MGAT4C: variants seen among roughly 807,000 people sequenced by gnomAD.
MGAT4C encodes the protein MGAT4 family member C.
Under a neutral mutation model 40.1 loss-of-function variants are expected in MGAT4C, and 19 were observed. The observed-to-expected ratio is 0.47, with a 90% CI of 0.33 to 0.70. The LOEUF is 0.70. Among genes scored for constraint, MGAT4C ranks in the 30% least tolerant of loss-of-function variants. MGAT4C has a pLI of 0.02. For synonymous variants in MGAT4C, 181 were observed against 187.1 expected (o/e 0.97, Z 0.27); for missense variants, 491 against 563.2 (o/e 0.87, Z 1.30).
intron 2 of MGAT4C, among the ~76,000 whole-genome samples, chr12:86,679,116 G>T (rs1028052183): frequency 2.0e-5 from 3 of 151,942 alleles, no homozygotes; most frequent in Non-Finnish European, 4.4e-5. Flanking sequence ...TTTAATGATC[G>T]CCATTCTAAC....
intron 1 of MGAT4C, among the ~76,000 whole-genome samples, chr12:86,781,894 T>G (rs1951846685): frequency 1.3e-5 from 2 of 150,502 alleles, no homozygotes; most frequent in Middle Eastern, 3.4e-3. Context: ...AAAGTGTTTT[T>G]ATACAAAAAT....
intron 2 of MGAT4C, among the ~76,000 whole-genome samples, chr12:86,589,622 A>G (rs1256811609): frequency 3.3e-5 from 5 of 152,050 alleles, no homozygotes; most frequent in Non-Finnish European, 5.9e-5. Context: ...TTAGACCAAT[A>G]TCCTTGATGA....
At chr12:86,500,590 C>T (rs998452672) in intron 2 of MGAT4C, among the ~76,000 whole-genome samples, 2 of 151,790 alleles carry the variant, frequency 1.3e-5, no homozygotes, top group African/African-American at 4.8e-5. Context: ...AAATGCAAAT[C>T]ATTCTGCAAA....
Position 85,969,599 on chromosome 12 carries a change from A to C in MGAT4C, c.*9690T>G, listed in dbSNP as rs1357186988. The C allele has an allele frequency of 6.6e-6, 1 of 151,588 alleles. No homozygotes were observed. The highest frequency in any genetic ancestry group is 1.5e-5 in the Non-Finnish European group (1 of 67,626). 9.4% of individuals were successfully genotyped at this position (151,588 alleles called of 1,614,324 possible). On this transcript the variant is annotated 3_prime_UTR_variant, in exon 5 of 5. Transcript: ENST00000611864. ...AGAAAAAAATGTTTTACATGAAGAA[A>C]CTAATTATTTAAATTCATTTTTCAA...
intron 2 of MGAT4C, among the ~76,000 whole-genome samples, chr12:86,532,763 T>G (rs1959006017): frequency 6.6e-6 from 1 of 152,034 alleles, no homozygotes. Flanking sequence ...TATTTATTTT[T>G]TGATAGGTAA....
intron 2 of MGAT4C, among the ~76,000 whole-genome samples, chr12:86,645,070 C>T (rs1963499969): frequency 6.6e-6 from 1 of 151,346 alleles, no homozygotes; most frequent in Non-Finnish European, 1.5e-5. Flanking sequence ...TATATGAATA[C>T]TTCTGTACAA....
Position 86,759,907 on chromosome 12 carries a change from T to C in MGAT4C, c.-261-32666A>G, listed in dbSNP as rs147055077. Among the ~76,000 whole-genome samples, 530 of 152,152 alleles carry C rather than the reference T, an allele frequency of 3.5e-3. 2 individuals are homozygous for C. Among genetic ancestry groups the C allele is most frequent in the African/African-American group, 0.012 (508 of 41,540 alleles). ...TTTCAGTTTTATGGAATCTCATATGTGAATATTTACTTTTGTTTGCTGGAA... is the reference window on the plus strand; with the variant it reads ...TTTCAGTTTTATGGAATCTCATATGCGAATATTTACTTTTGTTTGCTGGAA... On this transcript the variant is annotated intron_variant, in intron 1 of 7. Transcript: ENST00000548651.
chr12:86,766,968 C>T (rs1207814009), intron 1 of MGAT4C, among the ~76,000 whole-genome samples: 1 of 151,986 alleles, frequency 6.6e-6, no homozygotes, highest in Non-Finnish European at 1.5e-5. Flanking sequence ...ACTAGAAAAG[C>T]AAGAGCAAAC....
chr12:86,402,887 T>G (rs961114069), intron 3 of MGAT4C, among the ~76,000 whole-genome samples: 17 of 152,178 alleles, frequency 1.1e-4, no homozygotes, highest in Non-Finnish European at 1.8e-4. Context: ...AGTGGAATTA[T>G]TATTTATTGA....
intron 1 of MGAT4C, among the ~76,000 whole-genome samples, chr12:86,790,558 A>G (rs1342310488): frequency 6.6e-6 from 1 of 152,178 alleles, no homozygotes; most frequent in Non-Finnish European, 1.5e-5. Context: ...ATTAGCTTCC[A>G]TTCACATATC....
At chr12:86,521,920 G>A (rs1958801743) in intron 2 of MGAT4C, among the ~76,000 whole-genome samples, 1 of 151,942 alleles carries the variant, frequency 6.6e-6, no homozygotes, top group South Asian at 2.1e-4. Flanking sequence ...TTGTTGTAGT[G>A]TAGGAATGCT....
chr12:86,764,398 G>C (rs554375864), intron 1 of MGAT4C, among the ~76,000 whole-genome samples: 57 of 152,278 alleles, frequency 3.7e-4, no homozygotes, highest in African/African-American at 1.4e-3. Context: ...AGCTCAAGGA[G>C]GCCTGCCGGC....
chr12:86,517,533 C>T (rs181467762), intron 2 of MGAT4C, among the ~76,000 whole-genome samples: 12 of 152,262 alleles, frequency 7.9e-5, no homozygotes, highest in African/African-American at 2.9e-4. Context: ...GTTTATTACT[C>T]ATATAATGAG....
chr12:86,380,127 G>A (rs1410245422), intron 3 of MGAT4C, among the ~76,000 whole-genome samples: 1 of 151,972 alleles, frequency 6.6e-6, no homozygotes, highest in Non-Finnish European at 1.5e-5. Context: ...TGACTAATGT[G>A]CTGTAACACT....
intron 1 of MGAT4C, among the ~76,000 whole-genome samples, chr12:86,062,690 T>A (rs992284888): frequency 6.6e-6 from 1 of 151,674 alleles, no homozygotes; most frequent in Non-Finnish European, 1.5e-5. Context: ...AATGACCTGA[T>A]GGAGTGAAAA....
At chr12:86,284,097 C>T (rs1953286805) in intron 4 of MGAT4C, among the ~76,000 whole-genome samples, 1 of 151,986 alleles carries the variant, frequency 6.6e-6, no homozygotes, top group South Asian at 2.1e-4. Context: ...AAAAGACCTC[C>T]ACACTGTTTT....
chr12:86,579,281 T>C (rs1960684227), intron 2 of MGAT4C, among the ~76,000 whole-genome samples: 1 of 151,634 alleles, frequency 6.6e-6, no homozygotes, highest in African/African-American at 2.4e-5. Flanking sequence ...TCTGGTGATA[T>C]AATTCAGGTT....
intron 2 of MGAT4C, among the ~76,000 whole-genome samples, chr12:86,491,900 C>T (rs531696167): frequency 2.4e-4 from 37 of 152,120 alleles, no homozygotes; most frequent in Non-Finnish European, 2.9e-4. Flanking sequence ...GAAAACCCCA[C>T]TGTCTCAGCC....
chr12:86,662,507 T>C (rs1321811479), intron 2 of MGAT4C, among the ~76,000 whole-genome samples: 1 of 152,198 alleles, frequency 6.6e-6, no homozygotes, highest in Admixed American at 6.5e-5. Flanking sequence ...GGAGCATTTG[T>C]AATATAGAAT....
Sources: allele counts gnomAD v4.1 joint callset (sites outside exome capture counted in the v4.1 genomes callset), GRCh38; gene constraint gnomAD v4.1.1; transcripts MANE v1.5; gene names NCBI Gene and HGNC (gene_info 2026-07-23, HGNC 2026-07-21).